EMSY: variants seen among roughly 807,000 people sequenced by gnomAD.
EMSY encodes the protein BRCA2-interacting transcriptional repressor EMSY.
In EMSY, 26 loss-of-function variants were observed where a neutral mutation model predicts 134.6. The observed-to-expected ratio is 0.19, with a 90% CI of 0.14 to 0.27. The LOEUF is 0.27. Ranked by LOEUF, EMSY falls within the 10% of genes least tolerant of loss-of-function variation. EMSY has a pLI of 1.00. For synonymous variants in EMSY, 579 were observed against 577.8 expected (o/e 1.00, Z -0.03); for missense variants, 1,305 against 1,611.4 (o/e 0.81, Z 3.26).
chr11:76,458,577 C>G, intron 5 of EMSY: 1 of 394,588 alleles, frequency 2.5e-6, no homozygotes, highest in East Asian at 4.6e-5. Context: ...TGTTAATCAT[C>G]AAAATTGCAA....
chr11:76,453,286 G>A, intron 3 of EMSY, 28 bp from the exon 4 acceptor site: 3 of 1,605,142 alleles, frequency 1.9e-6, no homozygotes, highest in African/African-American at 1.3e-5. Flanking sequence ...GCTTGGCAGA[G>A]TTCTATAATG....
chr11:76,517,837 A>G (rs1412743788), intron 11 of EMSY, among the ~76,000 whole-genome samples: 2 of 152,202 alleles, frequency 1.3e-5, no homozygotes, highest in Admixed American at 6.5e-5. Flanking sequence ...CAGTTTAAAC[A>G]TACAGTTTAA....
intron 3 of EMSY, 86 bp downstream of exon 3, chr11:76,452,043 CAAATT>C: frequency 1.2e-6 from 1 of 837,572 alleles, no homozygotes; most frequent in Non-Finnish European, 1.8e-6. Context: ...AAGTAACTGT[CAAATT>C]AAGTTGAAGA....
intron 13 of EMSY, among the ~76,000 whole-genome samples, chr11:76,527,723 G>A (rs1950893162): frequency 6.6e-6 from 1 of 151,336 alleles, no homozygotes; most frequent in Non-Finnish European, 1.5e-5. Flanking sequence ...TAGGGCCCAA[G>A]CAAGTTTTAC....
chr11:76,513,609 C>A, intron 10 of EMSY, 74 bp downstream of exon 11: 1 of 1,497,758 alleles, frequency 6.7e-7, no homozygotes, highest in Non-Finnish European at 9.1e-7. Context: ...CAGCAATATG[C>A]TTGACACTTG....
At chr11:76,496,351 G>C (rs144872506) in exon 9 of EMSY, 29 of 1,614,136 alleles carry the variant, frequency 1.8e-5, no homozygotes, top group Non-Finnish European at 2.4e-5. Context: ...TATATCAAGT[G>C]CAACAGCAGA....
Position 76,527,213 on chromosome 11 carries a change from T to C in EMSY, c.1995+578T>C, listed in dbSNP as rs545621793. Among the ~76,000 whole-genome samples the C allele has an allele frequency of 3.3e-5, 5 of 152,072 alleles. No homozygotes were observed. The South Asian group carries it at 1.0e-3, about 32-fold the overall frequency. On this transcript the variant is annotated intron_variant, in intron 13 of 20. Transcript: ENST00000334736. ...TCTGAGAATATCGAGGGAAGCACTA[T>C]TAGTTTCGGTTGAGAAATGCCATCC...
chr11:76,499,542 C>T (rs1949780979), intron 9 of EMSY, among the ~76,000 whole-genome samples: 1 of 152,050 alleles, frequency 6.6e-6, no homozygotes, highest in African/African-American at 2.4e-5. Flanking sequence ...CCTCCTCCAC[C>T]TCCCAAAGTG....
intron 7 of EMSY, among the ~76,000 whole-genome samples, chr11:76,472,217 G>T (rs942596174): frequency 3.3e-5 from 5 of 152,104 alleles, no homozygotes; most frequent in African/African-American, 4.8e-5. Flanking sequence ...GCACATAGTA[G>T]GTGCTCAATA....
At chr11:76,504,491 C>T (rs1949997814) in intron 9 of EMSY, among the ~76,000 whole-genome samples, 1 of 152,060 alleles carries the variant, frequency 6.6e-6, no homozygotes, top group African/African-American at 2.4e-5. Context: ...ATATACTTTA[C>T]ACAAAGCAGA....
intron 6 of EMSY, 136 bp downstream of exon 7, chr11:76,460,221 A>G: frequency 9.4e-7 from 1 of 1,063,426 alleles, no homozygotes; most frequent in Non-Finnish European, 1.4e-6. Flanking sequence ...ATTTTAAAGA[A>G]TTCCTTTCTT....
intron 13 of EMSY, 30 bp downstream of exon 14, chr11:76,526,665 G>A (rs775507387): frequency 2.0e-6 from 3 of 1,525,332 alleles, no homozygotes; most frequent in Non-Finnish European, 2.7e-6. Flanking sequence ...GATTTTTCTT[G>A]GCTCTTAAAT....
At chr11:76,479,192 A>T (rs1413092493) in intron 8 of EMSY, among the ~76,000 whole-genome samples, 1 of 152,168 alleles carries the variant, frequency 6.6e-6, no homozygotes, top group African/African-American at 2.4e-5. Flanking sequence ...CTAATCCGAA[A>T]ATCTGAAATC....
At chr11:76,503,987 T>C (rs1199629694) in intron 9 of EMSY, among the ~76,000 whole-genome samples, 1 of 151,130 alleles carries the variant, frequency 6.6e-6, no homozygotes, top group Non-Finnish European at 1.5e-5. Context: ...GTTTTCACCA[T>C]GTTGGCCAAG....
chr11:76,496,665 G>A (rs72930511), intron 9 of EMSY, 196 bp downstream of exon 10: 195,444 of 683,606 alleles, frequency 0.29, 29,472 homozygotes, highest in Non-Finnish European at 0.32. Flanking sequence ...TTTTCTTGTC[G>A]TGATTATAAT....
At chr11:76,463,044 G>C (rs1338502933) in intron 6 of EMSY, among the ~76,000 whole-genome samples, 2 of 152,154 alleles carry the variant, frequency 1.3e-5, no homozygotes, top group Non-Finnish European at 2.9e-5. Context: ...GGCCAGGCAC[G>C]GTGGCTCACG....
At chr11:76,471,391 A>G (rs1018428375) in intron 7 of EMSY, among the ~76,000 whole-genome samples, 4 of 152,122 alleles carry the variant, frequency 2.6e-5, no homozygotes, top group Non-Finnish European at 5.9e-5. Context: ...ATACATTGTT[A>G]TAGCTAATAA....
chr11:76,476,272 C>T (rs569805819), intron 8 of EMSY, among the ~76,000 whole-genome samples: 2 of 152,206 alleles, frequency 1.3e-5, no homozygotes, highest in East Asian at 3.9e-4. Context: ...TGTTTTTTCC[C>T]TTTAGTGATG....
chr11:76,489,848 A>G (rs1949347961), intron 8 of EMSY, among the ~76,000 whole-genome samples: 1 of 152,004 alleles, frequency 6.6e-6, no homozygotes, highest in East Asian at 1.9e-4. Flanking sequence ...CTGGTGATCC[A>G]TCCACCTCGG....
Sources: allele counts gnomAD v4.1 joint callset (sites outside exome capture counted in the v4.1 genomes callset), GRCh38; gene constraint gnomAD v4.1.1; transcripts MANE v1.5; gene names NCBI Gene and HGNC (gene_info 2026-07-23, HGNC 2026-07-21).